NELL1: variants seen among roughly 807,000 people sequenced by gnomAD.
NELL1 encodes the protein neural EGFL like 1.
NELL1 carries 76 observed loss-of-function variants against 107.4 expected under a neutral mutation model. The observed-to-expected ratio is 0.71, with a 90% CI of 0.59 to 0.86. The LOEUF is 0.86. NELL1 is among the 40% of genes least tolerant of loss of function. The pLI, the probability that NELL1 is intolerant of heterozygous loss-of-function variation, is 0.00. For synonymous variants in NELL1, 353 were observed against 341.2 expected, an observed-to-expected ratio of 1.03 and a Z score of -0.38; for missense variants, 1,024 against 1,005.5, an observed-to-expected ratio of 1.02 and a Z score of -0.25.
At chr11:21,023,682 G>A (rs1384204299) in intron 12 of NELL1, among the ~76,000 whole-genome samples, 2 of 151,980 alleles carry the variant, frequency 1.3e-5, no homozygotes, top group Non-Finnish European at 2.9e-5. Flanking sequence ...TAGGCAGTGT[G>A]CAGCCCTGCT....
At position 21,430,775 on chromosome 11, in the gene NELL1, C is replaced by T. The variant is rs1032997098; in HGVS notation, c.1645+59827C>T. 3.3e-5 allele frequency among the ~76,000 whole-genome samples: 5 copies of T among 152,218 alleles called. No individual in the cohort carries two copies. In the East Asian group the frequency reaches 9.7e-4, roughly 29 times the overall value. On this transcript the variant is annotated intron_variant, in intron 15 of 19. Transcript: ENST00000357134. ...GTAGCATAATGCAACAGGAATGTTGCCTAACTCCAGGAGTATGTTTGTCCC... is the reference window on the plus strand; with the variant it reads ...GTAGCATAATGCAACAGGAATGTTGTCTAACTCCAGGAGTATGTTTGTCCC...
chr11:21,168,631 C>T (rs964265386), intron 13 of NELL1, among the ~76,000 whole-genome samples: 1 of 151,758 alleles, frequency 6.6e-6, no homozygotes, highest in African/African-American at 2.4e-5. Context: ...GTTCATTGGG[C>T]GAGACCTTCC....
intron 13 of NELL1, among the ~76,000 whole-genome samples, chr11:21,211,196 T>C (rs904898366): frequency 6.6e-6 from 1 of 152,176 alleles, no homozygotes; most frequent in African/African-American, 2.4e-5. Context: ...CAGGGGAAAT[T>C]GCCTCACTCA....
chr11:20,847,777 G>A (rs1265378203), intron 4 of NELL1, 24 bp downstream of exon 4: 2 of 1,585,006 alleles, frequency 1.3e-6, no homozygotes, highest in East Asian at 4.6e-5. Context: ...TTTGAGTGTT[G>A]CTGATTCTGC....
At chr11:20,868,654 A>G (rs1040580879) in intron 4 of NELL1, among the ~76,000 whole-genome samples, 16 of 152,220 alleles carry the variant, frequency 1.1e-4, no homozygotes, top group African/African-American at 3.6e-4. Context: ...TGAAATAATT[A>G]TATTTCAATA....
intron 12 of NELL1, among the ~76,000 whole-genome samples, chr11:21,103,420 A>G (rs958283114): frequency 6.6e-6 from 1 of 152,202 alleles, no homozygotes; most frequent in Non-Finnish European, 1.5e-5. Flanking sequence ...ACAACAGAGT[A>G]GATGCCAGGG....
intron 14 of NELL1, among the ~76,000 whole-genome samples, chr11:21,309,260 GTA>G (rs35920508): frequency 0.48 from 47,824 of 99,174 alleles, 9,866 homozygotes; most frequent in Middle Eastern, 0.54. Flanking sequence ...ATATATATAT[GTA>G]TATATATATA....
chr11:21,068,873 A>C (rs985744996), intron 12 of NELL1, among the ~76,000 whole-genome samples: 2 of 152,184 alleles, frequency 1.3e-5, no homozygotes, highest in Non-Finnish European at 2.9e-5. Flanking sequence ...AATATGTATT[A>C]AATAAATGAG....
rs150317444 is a variant in NELL1, at chr11:20,995,447, G to A, written c.1300+34887G>A. Among the ~76,000 whole-genome samples the A allele has an allele frequency of 6.2e-3, 935 of 152,010 alleles. 14 individuals are homozygous for A. The highest frequency in any genetic ancestry group is 0.021 in the African/African-American group (850 of 41,462). ...TAAAAAATTAGCCGCACGTGGTGGC[G>A]CATGCCTGTAATCCCAGCCACTCCG... On this transcript the variant is annotated intron_variant, in intron 12 of 19. Transcript: ENST00000357134.
rs373848557 is a variant in NELL1, at chr11:21,570,786, G to A, written c.2003G>A (p.Arg668Gln). The change falls in exon 18 of 20, where the codon CGG becomes CAG. Residue 668 changes from arginine to glutamine, a missense_variant. Coordinates refer to ENST00000357134, the MANE Select transcript of NELL1 (RefSeq NM_006157.5). Reference protein sequence around the residue: ...SCKDGKIFCRRTACDCQNPSA... With the variant: ...SCKDGKIFCRQTACDCQNPSA... ...CAGGATGGCAAGATATTCTGCCGAC[G>A]GACAGCTTGTGATTGCCAGAATCCA... The A allele has an allele frequency of 1.1e-5, 17 of 1,611,292 alleles. No homozygotes were observed. Among genetic ancestry groups the A allele is most frequent in the Admixed American group, 1.7e-5 (1 of 59,786 alleles).
chr11:21,161,931 C>A (rs1856379379), intron 13 of NELL1, among the ~76,000 whole-genome samples: 1 of 135,474 alleles, frequency 7.4e-6, no homozygotes, highest in South Asian at 2.5e-4. Flanking sequence ...AATCTTTTCT[C>A]TGGGAACATA....
intron 13 of NELL1, among the ~76,000 whole-genome samples, chr11:21,135,780 TTCTC>T (rs1447600628): frequency 6.6e-6 from 1 of 152,206 alleles, no homozygotes; most frequent in Non-Finnish European, 1.5e-5. Context: ...TAGATCATTT[TTCTC>T]TCTCATGTAA....
intron 12 of NELL1, among the ~76,000 whole-genome samples, chr11:21,069,135 C>T (rs1056726285): frequency 6.6e-6 from 1 of 152,160 alleles, no homozygotes; most frequent in South Asian, 2.1e-4. Context: ...GAACAGAAGG[C>T]CTTAGAATTT....
At chr11:21,551,137 CTGTT>C (rs1450934939) in intron 16 of NELL1, among the ~76,000 whole-genome samples, 4 of 151,502 alleles carry the variant, frequency 2.6e-5, no homozygotes, top group Non-Finnish European at 5.9e-5. Flanking sequence ...ATTTGGCTCT[CTGTT>C]TGTCTGTTAT....
At chr11:20,981,227 C>A (rs1417638580) in intron 12 of NELL1, among the ~76,000 whole-genome samples, 2 of 152,082 alleles carry the variant, frequency 1.3e-5, no homozygotes, top group Admixed American at 6.6e-5. Flanking sequence ...GAAGGAAAGG[C>A]ATATGTATTT....
rs1854226307 is a variant in NELL1, at chr11:21,079,922, CT to C, written c.1301-33662del. On this transcript the variant is annotated intron_variant, in intron 12 of 19. Coordinates refer to ENST00000357134, the MANE Select transcript of NELL1 (RefSeq NM_006157.5). ...AAGTTTCTTAGTGATGTGGGTGGTA[CT>C]TTTTGAAAGTGATTTCTGGATGAGG... 3.9e-5 allele frequency among the ~76,000 whole-genome samples: 6 copies of C among 151,922 alleles called. No homozygotes were observed. The South Asian group carries it at 1.2e-3, about 32-fold the overall frequency.
At chr11:21,281,667 T>C (rs1848997413) in intron 14 of NELL1, among the ~76,000 whole-genome samples, 1 of 152,036 alleles carries the variant, frequency 6.6e-6, no homozygotes, top group Non-Finnish European at 1.5e-5. Context: ...ACAGGGGTAC[T>C]TGTGTCACTC....
At chr11:21,113,262 G>A (rs905354543) in intron 12 of NELL1, among the ~76,000 whole-genome samples, 5 of 151,848 alleles carry the variant, frequency 3.3e-5, no homozygotes, top group African/African-American at 9.7e-5. Flanking sequence ...CATTGATATC[G>A]ACTTAGTGGA....
chr11:20,786,348 C>A, intron 3 of NELL1, among the ~76,000 whole-genome samples: 1 of 96,738 alleles, frequency 1.0e-5, no homozygotes, highest in Non-Finnish European at 2.1e-5. Flanking sequence ...AAAACCCCAT[C>A]TCAAAAAAAA....
Sources: gnomAD v4.1 joint callset for allele counts (sites outside exome capture counted in the v4.1 genomes callset) on GRCh38, gnomAD v4.1.1 for gene constraint, MANE v1.5 for transcripts, NCBI Gene and HGNC (gene_info 2026-07-23, HGNC 2026-07-21) for gene names.